The following TBC1D2B variants were observed in gnomAD, a reference collection of about 807,000 sequenced individuals.
TBC1D2B encodes TBC1 domain family member 2B, also known as TBC1 domain family, member 2B.
Under a neutral mutation model 100.8 loss-of-function variants are expected in TBC1D2B, and 64 were observed. The observed-to-expected ratio is 0.64, with a 90% confidence interval of 0.52 to 0.78. TBC1D2B has a LOEUF of 0.78. TBC1D2B is among the 30% of genes least tolerant of loss of function. The pLI is 0.00. For missense variants in TBC1D2B, 1,052 were observed against 1,218.4 expected (o/e 0.86, Z 2.03); for synonymous variants, 480 against 479.7 (o/e 1.00, Z -0.01).
chr15:78,048,994 G>C (rs1430637063), intron 2 of TBC1D2B, among the ~76,000 whole-genome samples: 1 of 152,238 alleles, frequency 6.6e-6, no homozygotes, highest in Non-Finnish European at 1.5e-5. Context: ...CACAGCAAAC[G>C]AAAGTCTGGG....
intron 1 of TBC1D2B, among the ~76,000 whole-genome samples, chr15:78,068,383 C>CACACACACACACA (rs2073693270): frequency 1.4e-5 from 2 of 143,012 alleles, no homozygotes; most frequent in African/African-American, 5.3e-5. Context: ...CACACCACAC[C>CACACACACACACA]CACACACACA....
chr15:78,076,027 G>A (rs1046333919), intron 1 of TBC1D2B, among the ~76,000 whole-genome samples: 2 of 152,170 alleles, frequency 1.3e-5, no homozygotes, highest in African/African-American at 2.4e-5. Context: ...AGGAGTGAGA[G>A]TGAGGGTGGA....
Position 78,025,377 on chromosome 15 carries a change from T to G in TBC1D2B, c.968A>C (p.Glu323Ala), listed in dbSNP as rs755667786. 2.5e-6 allele frequency: 4 copies of G among 1,613,826 alleles called. No homozygotes were observed. Among genetic ancestry groups the G allele is most frequent in the Non-Finnish European group, 3.4e-6 (4 of 1,179,882 alleles). ...NRHSSGDPSS[E>A]GTSGSGSVSI... ...GACGCTGCCACTGCCTGATGTGCCT[T>G]CACTTGAAGGGTCACCACTGCTGTG... Residue 323 changes from glutamate (E) to alanine (A), a missense_variant, in exon 5 of 13, where the codon GAA becomes GCA. By Grantham distance (107) the Glu-to-Ala change is moderately radical. This residue lies in a region of TBC1D2B where 627 missense variants were observed against 646.1 expected (regional missense o/e 0.97). Transcript: ENST00000300584.
chr15:78,024,486 A>G lies in TBC1D2B; in HGVS notation c.1140T>C (p.Tyr380=), dbSNP rs758955395. The G allele has an allele frequency of 4.3e-6, 7 of 1,613,906 alleles. No homozygotes were observed. Among genetic ancestry groups the G allele is most frequent in the East Asian group, 2.2e-5 (1 of 44,898 alleles). ...CCTCACAGAGCCGGCTGCTTGTGAA[A>G]TACTTGTCATACTGGGATGACCGGA... ...QTVRSSQYDK[Y]FTSSRLCEGV... Residue 380 remains tyrosine (Y), a synonymous_variant, in exon 6 of 13, where the codon TAT becomes TAC. Coordinates refer to ENST00000300584, the MANE Select transcript of TBC1D2B (RefSeq NM_144572.2).
At chr15:78,026,001 A>G (rs767956750) in intron 4 of TBC1D2B, among the ~76,000 whole-genome samples, 6 of 151,206 alleles carry the variant, frequency 4.0e-5, no homozygotes, top group Non-Finnish European at 8.8e-5. Context: ...TCAGCCAGAG[A>G]TGATTGATTC....
At chr15:78,019,277 T>C (rs1304825922) in intron 6 of TBC1D2B, among the ~76,000 whole-genome samples, 1 of 152,226 alleles carries the variant, frequency 6.6e-6, no homozygotes. Context: ...GTGAGATTCC[T>C]AATCTTGTTT....
intron 10 of TBC1D2B, among the ~76,000 whole-genome samples, chr15:78,006,251 T>G (rs1025679816): frequency 6.6e-6 from 1 of 152,226 alleles, no homozygotes; most frequent in African/African-American, 2.4e-5. Flanking sequence ...ATTTGATATT[T>G]TAAATTTGAG....
intron 1 of TBC1D2B, among the ~76,000 whole-genome samples, chr15:78,058,496 T>G (rs1253518100): frequency 6.6e-6 from 1 of 152,240 alleles, no homozygotes; most frequent in Non-Finnish European, 1.5e-5. Flanking sequence ...CCAGCTATAG[T>G]GCCTTTATTC....
chr15:78,077,314 C>T lies in TBC1D2B; in HGVS notation c.339G>A (p.Ala113=). 2 of 1,530,612 alleles carry T rather than the reference C, an allele frequency of 1.3e-6. No homozygotes were observed. The highest frequency in any genetic ancestry group is 1.8e-6 in the Non-Finnish European group (2 of 1,140,116). The allele number at this position is 1,530,612 out of a possible 1,614,324, so 94.8% of individuals were successfully genotyped here. A position where few individuals can be genotyped will look rare whatever the true frequency, so the allele number is the denominator to read the frequency against. Reference sequence around the variant, plus strand: ...CCACCTTGAGCACCGTGACGGCTCCCGCGCTGTGCACCTGGAAGTGCGCGG... The same window carrying T: ...CCACCTTGAGCACCGTGACGGCTCCTGCGCTGTGCACCTGGAAGTGCGCGG... ...EPPAHFQVHS[A]GAVTVLKAPN... Residue 113 remains alanine, a synonymous_variant, in exon 1 of 13, where the codon GCG becomes GCA. Transcript: ENST00000300584.
rs150251332 is a variant in TBC1D2B at position 78,052,322 on chromosome 15, G to A, written c.514+1712C>T. 4.6e-5 allele frequency among the ~76,000 whole-genome samples: 7 copies of A among 152,266 alleles called. No homozygotes were observed. In the East Asian group the frequency reaches 1.4e-3, roughly 29 times the overall value. ...AGCCCACTTACAGCCCATGGTACCA[G>A]CATGCACCCTTCCCTCACATTTCTC... On this transcript the variant is annotated intron_variant, in intron 2 of 12. Coordinates refer to ENST00000300584, the MANE Select transcript of TBC1D2B (RefSeq NM_144572.2).
At chr15:78,003,558 C>G (rs544683753) in intron 10 of TBC1D2B, 68 bp from the exon 11 acceptor site, 7 of 1,273,862 alleles carry the variant, frequency 5.5e-6, no homozygotes, top group African/African-American at 4.4e-5. Context: ...GACGAGCAGA[C>G]GCGCAACCTG....
chr15:78,014,031 A>G (rs1375452550), intron 8 of TBC1D2B, among the ~76,000 whole-genome samples: 1 of 152,232 alleles, frequency 6.6e-6, no homozygotes, highest in Admixed American at 6.5e-5. Flanking sequence ...AAAAGGGGCC[A>G]CAGGCCAAAG....
chr15:78,013,051 CTGG>C lies in TBC1D2B; in HGVS notation c.2039_2041del (p.Thr680del). ...AGGCTCAGTGTTGTCCTTGAACTTC[CTGG>C]TGTGACGGTCCACACACCACTTCCA... On this transcript the variant is annotated inframe_deletion, in exon 9 of 13. Transcript: ENST00000300584. The C allele has an allele frequency of 6.2e-7, 1 of 1,613,992 alleles. No homozygotes were observed. Among genetic ancestry groups the C allele is most frequent in the Non-Finnish European group, 8.5e-7 (1 of 1,179,874 alleles).
At chr15:78,024,921 C>G (rs1205552766) in intron 5 of TBC1D2B, among the ~76,000 whole-genome samples, 2 of 152,186 alleles carry the variant, frequency 1.3e-5, no homozygotes, top group African/African-American at 2.4e-5. Flanking sequence ...TGCAGAAACT[C>G]TTTTTAATGA....
chr15:78,017,819 G>A (rs1176803409), intron 7 of TBC1D2B, 28 bp downstream of exon 7: 63 of 1,456,890 alleles, frequency 4.3e-5, no homozygotes, highest in Non-Finnish European at 5.9e-5. Context: ...CTCCCACCAG[G>A]TAATAGAATC....
chr15:78,041,286 A>G (rs1290887553), intron 3 of TBC1D2B, among the ~76,000 whole-genome samples: 1 of 152,244 alleles, frequency 6.6e-6, no homozygotes, highest in East Asian at 1.9e-4. Flanking sequence ...AATTACAATA[A>G]TAAGTACAAC....
rs1225713046 is a variant in TBC1D2B at position 78,031,554 on chromosome 15, C to CA, written c.684-1385dup. On this transcript the variant is annotated intron_variant, in intron 3 of 12. Coordinates refer to ENST00000300584, the MANE Select transcript of TBC1D2B (RefSeq NM_144572.2). ...GGGCGATAGAGCAAGACTCTGTCTC[C>CA]AAAAAAAAAAAAAAAAAAAAAGAGA... is the stretch of plus-strand genomic sequence containing the variant. Among the ~76,000 whole-genome samples, 84 of 54,868 alleles carry CA rather than the reference C, an allele frequency of 1.5e-3. 1 individual carries two copies. The highest frequency in any genetic ancestry group is 4.9e-3 in the African/African-American group (65 of 13,294). 36.0% of individuals were successfully genotyped at this position (54,868 alleles called of 152,430 possible). A position where few individuals can be genotyped will look rare whatever the true frequency, so the allele number is the denominator to read the frequency against.
At chr15:78,034,672 AC>A in intron 3 of TBC1D2B, 1 of 985,408 alleles carries the variant, frequency 1.0e-6, no homozygotes, top group Non-Finnish European at 1.2e-6. Context: ...CCTGAGTCGT[AC>A]GCTGCCGTGC....
chr15:78,077,549 G>A lies in TBC1D2B; in HGVS notation c.104C>T (p.Ala35Val), dbSNP rs1158070005. ...CTTCTGCAGATAGCCACACAGCCGC[G>A]CTGGCTCCCGCGCCGGACCCGCCCC... ...EPGAGPAREP[A>V]RLCGYLQKLS... Residue 35 changes from alanine to valine, a missense_variant, in exon 1 of 13, where the codon GCG becomes GTG. Transcript: ENST00000300584. 2 of 1,468,512 alleles carry A rather than the reference G, an allele frequency of 1.4e-6. No individual in the cohort carries two copies. The highest frequency in any genetic ancestry group is 3.0e-5 in the East Asian group (1 of 33,332). The allele number at this position is 1,468,512 out of a possible 1,614,324, so 91.0% of individuals were successfully genotyped here.
Sources: gnomAD v4.1 joint callset for allele counts (sites outside exome capture counted in the v4.1 genomes callset) on GRCh38, gnomAD v4.1.1 for gene constraint, gnomAD v4.1.1 regional missense constraint, MANE v1.5 for transcripts, NCBI Gene and HGNC (gene_info 2026-07-23, HGNC 2026-07-21) for gene names.